The following CDH12 variants were observed in gnomAD, a reference collection of about 807,000 sequenced individuals.
CDH12 encodes cadherin-12.
CDH12 carries 41 observed loss-of-function variants against 74.1 expected under a neutral mutation model. The ratio of observed to expected loss-of-function variants is 0.55; its 90% CI spans 0.43 to 0.72. The LOEUF (loss-of-function observed/expected upper bound fraction) is 0.72, where lower values mean the gene tolerates loss of function less well. Ranked by LOEUF, CDH12 falls within the 30% of genes least tolerant of loss-of-function variation. The pLI, the probability that CDH12 is intolerant of heterozygous loss-of-function variation, is 0.00. For synonymous variants in CDH12, 399 were observed against 355.0 expected, an observed-to-expected ratio of 1.12 and a Z score of -1.39; for missense variants, 945 against 977.2, an observed-to-expected ratio of 0.97 and a Z score of 0.44.
chr5:22,082,768 G>A (rs1742827306), intron 4 of CDH12, among the ~76,000 whole-genome samples: 1 of 152,104 alleles, frequency 6.6e-6, no homozygotes, highest in Non-Finnish European at 1.5e-5. Context: ...GTTAACTGGA[G>A]CCACAGAGGA....
intron 3 of CDH12, among the ~76,000 whole-genome samples, chr5:22,318,086 A>G (rs1738708558): frequency 1.3e-5 from 2 of 152,342 alleles, no homozygotes; most frequent in Admixed American, 1.3e-4. Flanking sequence ...AAATGAAAGA[A>G]CTGAAATAGC....
At chr5:22,165,636 G>A (rs1278453830) in intron 4 of CDH12, among the ~76,000 whole-genome samples, 4 of 152,132 alleles carry the variant, frequency 2.6e-5, no homozygotes, top group Admixed American at 2.6e-4. Flanking sequence ...AGTAGGGGCT[G>A]GGTAAAATAA....
chr5:22,615,219 T>G (rs1737635749), intron 1 of CDH12, among the ~76,000 whole-genome samples: 1 of 152,126 alleles, frequency 6.6e-6, no homozygotes, highest in Admixed American at 6.6e-5. Flanking sequence ...GGCTTCTTAT[T>G]GCTTTTCTTT....
intron 4 of CDH12, among the ~76,000 whole-genome samples, chr5:22,115,783 C>T (rs1745056654): frequency 6.6e-6 from 1 of 150,378 alleles, no homozygotes; most frequent in Admixed American, 6.7e-5. Context: ...CCTCTGCCTC[C>T]CGGGTTCAAG....
chr5:22,227,720 TGA>T (rs1293369482), intron 3 of CDH12, among the ~76,000 whole-genome samples: 2 of 152,138 alleles, frequency 1.3e-5, no homozygotes, highest in Non-Finnish European at 2.9e-5. Context: ...GGAAAGTGTG[TGA>T]TTCTCTAGTC....
At chr5:22,838,532 A>G (rs567585910) in intron 1 of CDH12, among the ~76,000 whole-genome samples, 1 of 152,254 alleles carries the variant, frequency 6.6e-6, no homozygotes, top group South Asian at 2.1e-4. Context: ...AATAAAACTG[A>G]TTCACTGGTT....
At chr5:21,773,334 A>C (rs1169393754) in intron 11 of CDH12, among the ~76,000 whole-genome samples, 1 of 152,174 alleles carries the variant, frequency 6.6e-6, no homozygotes, top group Non-Finnish European at 1.5e-5. Context: ...TGAAAGAGGC[A>C]GACCCACCCT....
At chr5:22,768,946 A>G (rs758949236) in intron 1 of CDH12, among the ~76,000 whole-genome samples, 9 of 152,166 alleles carry the variant, frequency 5.9e-5, no homozygotes, top group Non-Finnish European at 1.2e-4. Flanking sequence ...ACAATATTTG[A>G]ATAACTCGCT....
intron 8 of CDH12, among the ~76,000 whole-genome samples, chr5:21,825,156 A>G (rs1284065571): frequency 6.6e-6 from 1 of 150,992 alleles, no homozygotes; most frequent in Non-Finnish European, 1.5e-5. Flanking sequence ...CTATCTCAAA[A>G]AAAAAAAAAA....
chr5:22,606,514 T>C (rs1215328933), intron 1 of CDH12, among the ~76,000 whole-genome samples: 1 of 152,150 alleles, frequency 6.6e-6, no homozygotes, highest in African/African-American at 2.4e-5. Context: ...TCTCACGAGA[T>C]CTGATGGTTT....
At chr5:22,653,598 C>T (rs1365957534) in intron 1 of CDH12, among the ~76,000 whole-genome samples, 1 of 152,100 alleles carries the variant, frequency 6.6e-6, no homozygotes, top group Non-Finnish European at 1.5e-5. Context: ...CCTTTGCTTC[C>T]ATTGTCATCT....
intron 2 of CDH12, among the ~76,000 whole-genome samples, chr5:22,447,731 T>C (rs1744871405): frequency 1.3e-5 from 2 of 152,062 alleles, no homozygotes; most frequent in African/African-American, 4.8e-5. Flanking sequence ...ATTTCCCATG[T>C]TGTAGTTTCC....
At chr5:22,639,049 T>C (rs1296431951) in intron 1 of CDH12, 1 of 29,716 alleles carries the variant, frequency 3.4e-5, no homozygotes, top group Non-Finnish European at 5.7e-5. Flanking sequence ...AGAGTCCGCC[T>C]CAAAAAAAAA....
At chr5:22,301,175 C>T (rs185404306) in intron 3 of CDH12, among the ~76,000 whole-genome samples, 245 of 152,132 alleles carry the variant, frequency 1.6e-3, no homozygotes, top group African/African-American at 4.4e-3. Flanking sequence ...TCTACCCAGG[C>T]GTATTTAAAA....
At chr5:22,073,183 CA>C (rs1742074496) in intron 5 of CDH12, among the ~76,000 whole-genome samples, 1 of 152,070 alleles carries the variant, frequency 6.6e-6, no homozygotes, top group South Asian at 2.1e-4. Context: ...CATTCTTCAT[CA>C]AAAATAGGTT....
At chr5:22,190,821 C>T (rs1238225739) in intron 4 of CDH12, among the ~76,000 whole-genome samples, 3 of 152,138 alleles carry the variant, frequency 2.0e-5, no homozygotes, top group African/African-American at 7.2e-5. Flanking sequence ...CAATCAGCTC[C>T]GTAAATCAGG....
chr5:22,051,918 T>C (rs1740397950), intron 5 of CDH12, among the ~76,000 whole-genome samples: 1 of 152,124 alleles, frequency 6.6e-6, no homozygotes. Flanking sequence ...AACAGTAAGA[T>C]TTTAAAAACT....
chr5:22,621,429 G>A (rs1300981207), intron 1 of CDH12, among the ~76,000 whole-genome samples: 1 of 151,764 alleles, frequency 6.6e-6, no homozygotes, highest in Non-Finnish European at 1.5e-5. Context: ...TATACTAGAA[G>A]GTAAAAAAGC....
chr5:22,731,306 T>C (rs904352768), intron 1 of CDH12, among the ~76,000 whole-genome samples: 5 of 151,812 alleles, frequency 3.3e-5, no homozygotes, highest in African/African-American at 7.2e-5. Context: ...TAAAAGTTTA[T>C]GTAAAAAAGG....
Sources: gnomAD v4.1 joint callset for allele counts (sites outside exome capture counted in the v4.1 genomes callset) on GRCh38, gnomAD v4.1.1 for gene constraint, MANE v1.5 for transcripts, NCBI Gene and HGNC (gene_info 2026-07-23, HGNC 2026-07-21) for gene names.